The following CDC42SE2 variants were observed in gnomAD, a reference collection of about 807,000 sequenced individuals.
CDC42SE2 encodes CDC42 small effector 2.
A neutral mutation model predicts 11.5 loss-of-function variants in CDC42SE2; 3 were observed. That is an observed-to-expected ratio of 0.26 (90% CI 0.12 to 0.67). The LOEUF (loss-of-function observed/expected upper bound fraction) is 0.67. Among genes scored for constraint, CDC42SE2 ranks in the 30% least tolerant of loss-of-function variants. The pLI, the probability that CDC42SE2 is intolerant of heterozygous loss-of-function variation, is 0.80. For missense variants in CDC42SE2, 82 were observed against 106.8 expected, an observed-to-expected ratio of 0.77 and a Z score of 1.02; for synonymous variants, 33 against 34.8, an observed-to-expected ratio of 0.95 and a Z score of 0.18.
At chr5:131,221,062 T>C in the CDC42SE2 span, among the ~76,000 whole-genome samples, 10 of 152,040 alleles carry the variant, frequency 6.6e-5, no homozygotes, top group African/African-American at 2.2e-4. Flanking sequence ...TATTTTGTAT[T>C]ATTAATAGAG....
chr5:131,306,232 T>C (rs1467418951), intron 1 of CDC42SE2, among the ~76,000 whole-genome samples: 4 of 152,180 alleles, frequency 2.6e-5, no homozygotes, highest in Non-Finnish European at 4.4e-5. Context: ...TGCTCATTAG[T>C]CACTTAATAG....
intron 1 of CDC42SE2, among the ~76,000 whole-genome samples, chr5:131,297,242 A>G (rs1379218242): frequency 6.6e-6 from 1 of 151,932 alleles, no homozygotes; most frequent in East Asian, 1.9e-4. Context: ...ATACAATAAA[A>G]TATGACAGCA....
intron 3 of CDC42SE2, among the ~76,000 whole-genome samples, chr5:131,381,353 C>G (rs1286569696): frequency 6.6e-6 from 1 of 151,100 alleles, no homozygotes; most frequent in Non-Finnish European, 1.5e-5. Context: ...AGAGAAGTCT[C>G]GCTCTTGTCC....
chr5:131,306,974 A>C (rs1487108620), intron 1 of CDC42SE2, among the ~76,000 whole-genome samples: 2 of 152,204 alleles, frequency 1.3e-5, no homozygotes, highest in East Asian at 3.9e-4. Flanking sequence ...TATCAGTTCT[A>C]ACAGTTTTTT....
intron 1 of CDC42SE2, among the ~76,000 whole-genome samples, chr5:131,278,839 CAGTGGCTTGGTCTTGGCTCACTGCA>C (rs1267138621): frequency 1.6e-5 from 2 of 127,238 alleles, no homozygotes; most frequent in Non-Finnish European, 3.2e-5. Flanking sequence ...GGCTAGAGTG[CAGTGGCTTGGTCTTGGCTCACTGCA>C]ACCTCTGCCT....
At chr5:131,378,497 T>G (rs1188508307) in intron 3 of CDC42SE2, among the ~76,000 whole-genome samples, 23 of 152,204 alleles carry the variant, frequency 1.5e-4, no homozygotes, top group Admixed American at 1.4e-3. Context: ...TAATGTAGCT[T>G]ATTTCAGAGG....
chr5:131,278,974 A>G (rs1757174593), intron 1 of CDC42SE2, among the ~76,000 whole-genome samples: 1 of 150,558 alleles, frequency 6.6e-6, no homozygotes, highest in African/African-American at 2.5e-5. Flanking sequence ...TAGTAGAAAC[A>G]GGGTTTCATC....
chr5:131,321,214 G>A (rs248654), intron 2 of CDC42SE2, among the ~76,000 whole-genome samples: 151,351 of 152,360 alleles, frequency 0.99, 75,176 homozygotes, highest in East Asian at 1. Flanking sequence ...TTAGTTCATC[G>A]TATTCTCACT....
intron 2 of CDC42SE2, among the ~76,000 whole-genome samples, chr5:131,316,422 G>T (rs7718039): frequency 0.12 from 18,954 of 152,096 alleles, 2,758 homozygotes; most frequent in African/African-American, 0.35. Context: ...TACTGTATTT[G>T]AAATATTCAG....
At chr5:131,297,816 C>T (rs559810498) in intron 1 of CDC42SE2, among the ~76,000 whole-genome samples, 3 of 152,078 alleles carry the variant, frequency 2.0e-5, no homozygotes, top group East Asian at 1.9e-4. Context: ...TCATTTTACC[C>T]TTTGAGAAAT....
intron 1 of CDC42SE2, among the ~76,000 whole-genome samples, chr5:131,284,043 T>C (rs1757293076): frequency 6.6e-6 from 1 of 152,222 alleles, no homozygotes; most frequent in South Asian, 2.1e-4. Context: ...GAACTGCTAG[T>C]CTGTTTTCTA....
chr5:131,327,112 C>G (rs1190283115), intron 2 of CDC42SE2, among the ~76,000 whole-genome samples: 2 of 152,146 alleles, frequency 1.3e-5, no homozygotes, highest in Non-Finnish European at 2.9e-5. Flanking sequence ...TAATTTTCAT[C>G]CCTTTCCCTT....
At chr5:131,239,476 C>G in the CDC42SE2 span, among the ~76,000 whole-genome samples, 3 of 152,118 alleles carry the variant, frequency 2.0e-5, no homozygotes, top group Non-Finnish European at 4.4e-5. Flanking sequence ...AACTCAAGGC[C>G]TTAAGGTTGC....
At chr5:131,349,955 G>T (rs956303138) in intron 2 of CDC42SE2, among the ~76,000 whole-genome samples, 1 of 151,970 alleles carries the variant, frequency 6.6e-6, no homozygotes, top group Non-Finnish European at 1.5e-5. Context: ...AATAGAATTT[G>T]TGAAAACAAA....
chr5:131,223,163 A>G, the CDC42SE2 span, among the ~76,000 whole-genome samples: 19 of 152,318 alleles, frequency 1.2e-4, no homozygotes, highest in African/African-American at 4.3e-4. Context: ...CCAATCCTAT[A>G]TGGAACTCAA....
intron 1 of CDC42SE2, among the ~76,000 whole-genome samples, chr5:131,252,711 T>A (rs1335625931): frequency 1.3e-5 from 2 of 152,172 alleles, no homozygotes; most frequent in Non-Finnish European, 2.9e-5. Flanking sequence ...TTTTTGCAGG[T>A]CCAGCATCAT....
At chr5:131,327,185 T>C (rs990494259) in intron 2 of CDC42SE2, among the ~76,000 whole-genome samples, 1 of 152,200 alleles carries the variant, frequency 6.6e-6, no homozygotes, top group Non-Finnish European at 1.5e-5. Flanking sequence ...TTTGTTCTTA[T>C]GATGATTGCC....
intron 1 of CDC42SE2, among the ~76,000 whole-genome samples, chr5:131,281,900 G>A (rs1757244692): frequency 6.6e-6 from 1 of 152,160 alleles, no homozygotes; most frequent in African/African-American, 2.4e-5. Context: ...ATGAAGTAAT[G>A]CACATAAAGC....
chr5:131,368,180 G>A (rs2149777576), intron 3 of CDC42SE2, among the ~76,000 whole-genome samples: 1 of 151,526 alleles, frequency 6.6e-6, no homozygotes, highest in Middle Eastern at 3.4e-3. Context: ...GTGAACCTGG[G>A]AGGCGGAGCT....
Sources: allele counts gnomAD v4.1 joint callset (sites outside exome capture counted in the v4.1 genomes callset), GRCh38; gene constraint gnomAD v4.1.1; transcripts MANE v1.5; gene names NCBI Gene and HGNC (gene_info 2026-07-23, HGNC 2026-07-21).